The following SGCG variants were observed in gnomAD, a reference collection of about 807,000 sequenced individuals.
SGCG encodes the protein sarcoglycan gamma, also known as gamma-sarcoglycan.
Under a neutral mutation model 29.3 loss-of-function variants are expected in SGCG, and 26 were observed. The ratio of observed to expected loss-of-function variants is 0.89; its 90% CI spans 0.65 to 1.23. The LOEUF (loss-of-function observed/expected upper bound fraction) is 1.23, where lower values mean the gene tolerates loss of function less well. Among genes scored for constraint, SGCG ranks in the 50% most tolerant of loss-of-function variants. The probability of loss-of-function intolerance (pLI) is 0.00; values close to 1 mark genes in which losing one functional copy is unlikely to be tolerated. For missense variants in SGCG, 353 were observed against 356.0 expected (o/e 0.99, Z 0.07); for synonymous variants, 145 against 129.7 (o/e 1.12, Z -0.80).
chr13:23,316,156 A>G (rs954991658), intron 6 of SGCG, among the ~76,000 whole-genome samples: 3 of 152,138 alleles, frequency 2.0e-5, no homozygotes, highest in South Asian at 2.1e-4. Context: ...TTGATATGGC[A>G]CCATCCTTGG....
chr13:23,163,648 A>G, the SGCG span, among the ~76,000 whole-genome samples: 11 of 152,354 alleles, frequency 7.2e-5, no homozygotes, highest in Non-Finnish European at 1.6e-4. Flanking sequence ...GACAAGTAAC[A>G]TGAATCAGAT....
At chr13:23,237,252 C>A (rs1445258206) in intron 3 of SGCG, among the ~76,000 whole-genome samples, 1 of 152,146 alleles carries the variant, frequency 6.6e-6, no homozygotes, top group Non-Finnish European at 1.5e-5. Context: ...CCCATTAGTT[C>A]AAACACATAA....
intron 2 of SGCG, among the ~76,000 whole-genome samples, chr13:23,205,405 C>A (rs534577891): frequency 1.2e-4 from 19 of 152,184 alleles, no homozygotes; most frequent in African/African-American, 4.3e-4. Flanking sequence ...GCTGTAGGAC[C>A]GTCAGTTATG....
chr13:23,222,667 A>T (rs1180773167), intron 2 of SGCG, among the ~76,000 whole-genome samples: 3 of 151,936 alleles, frequency 2.0e-5, no homozygotes. Flanking sequence ...CTCTACTAAA[A>T]ATACAAAAAA....
intron 5 of SGCG, among the ~76,000 whole-genome samples, chr13:23,289,826 G>A (rs1881631316): frequency 6.6e-6 from 1 of 152,282 alleles, no homozygotes. Context: ...TCAATGGGGA[G>A]GCATTGAATT....
At position 23,309,367 on chromosome 13, in the gene SGCG, A is replaced by G. The variant is rs150677422; in HGVS notation, c.579-11270A>G. On this transcript the variant is annotated intron_variant, in intron 6 of 7. Transcript: ENST00000218867. ...AATGATCCTTCTGCCTCAGCCTCCC[A>G]AGTAGCTGGAACTACAGATGCACAC... Among the ~76,000 whole-genome samples, 1,383 of 152,236 alleles carry G rather than the reference A, an allele frequency of 9.1e-3. 12 individuals carry two copies. The highest frequency in any genetic ancestry group is 0.013 in the Non-Finnish European group (897 of 68,016).
At chr13:23,243,589 T>A (rs1396680442) in intron 3 of SGCG, 1 of 152,140 alleles carries the variant, frequency 6.6e-6, no homozygotes, top group African/African-American at 2.4e-5. Context: ...CCAGAACAGC[T>A]TACTTTCTCT....
In SGCG at chr13:23,219,212, T is replaced by C. The variant is rs77338270; in HGVS notation, c.195+15323T>C. Among the ~76,000 whole-genome samples, 224 of 152,024 alleles carry C rather than the reference T, an allele frequency of 1.5e-3. 1 individual carries two copies. Among genetic ancestry groups the C allele is most frequent in the African/African-American group, 4.6e-3 (193 of 41,510 alleles). On this transcript the variant is annotated intron_variant, in intron 2 of 7. Coordinates refer to ENST00000218867, the MANE Select transcript of SGCG (RefSeq NM_000231.3). ...ACAGGTGCCTGCCACCTCGCCTGGC[T>C]AACTTTTTGTATTTTTAGTAGAGAT...
At chr13:23,191,293 A>T (rs1175848945) in intron 1 of SGCG, among the ~76,000 whole-genome samples, 1 of 151,080 alleles carries the variant, frequency 6.6e-6, no homozygotes, top group African/African-American at 2.5e-5. Flanking sequence ...CATCTTCCCG[A>T]GAGCTTTAGT....
At chr13:23,287,816 A>G (rs9507068) in intron 5 of SGCG, among the ~76,000 whole-genome samples, 65,801 of 151,864 alleles carry the variant, frequency 0.43, 15,094 homozygotes, top group Middle Eastern at 0.65. Flanking sequence ...GTGTAGTGGC[A>G]CGATCTCAGC....
chr13:23,308,624 G>T (rs2137504387), intron 6 of SGCG, among the ~76,000 whole-genome samples: 2 of 152,134 alleles, frequency 1.3e-5, no homozygotes, highest in East Asian at 3.9e-4. Context: ...GAGTGCAATG[G>T]CATGATCTCA....
At chr13:23,174,055 A>G in the SGCG span, among the ~76,000 whole-genome samples, 3 of 152,198 alleles carry the variant, frequency 2.0e-5, no homozygotes, top group Non-Finnish European at 4.4e-5. Flanking sequence ...AGCAGAATAG[A>G]TAAATTTTCA....
the SGCG span, among the ~76,000 whole-genome samples, chr13:23,163,488 AG>A: frequency 6.6e-6 from 1 of 152,308 alleles, no homozygotes; most frequent in East Asian, 1.9e-4. Flanking sequence ...TGGTTTGAAG[AG>A]GGGACCCAGT....
At chr13:23,290,406 A>G (rs970397553) in intron 5 of SGCG, among the ~76,000 whole-genome samples, 2 of 152,156 alleles carry the variant, frequency 1.3e-5, no homozygotes, top group Admixed American at 1.3e-4. Context: ...GGGACAGACA[A>G]TGCGGTGGGA....
chr13:23,169,686 TC>T, the SGCG span: 1 of 144,230 alleles, frequency 6.9e-6, no homozygotes, highest in South Asian at 2.3e-4. Flanking sequence ...TCTCTCTCTC[TC>T]TCTCTCTGTC....
chr13:23,299,204 G>T (rs748435526), intron 6 of SGCG, among the ~76,000 whole-genome samples: 1 of 151,664 alleles, frequency 6.6e-6, no homozygotes, highest in Non-Finnish European at 1.5e-5. Flanking sequence ...CATCCAGTTT[G>T]CTGTCTCCAC....
rs1879084349 is a variant in SGCG, at chr13:23,230,935, A to G, written c.196-3676A>G. Among the ~76,000 whole-genome samples, 3 of 152,150 alleles carry G rather than the reference A, an allele frequency of 2.0e-5. No individual in the cohort carries two copies. The South Asian group carries it at 6.2e-4, about 32-fold the overall frequency. ...ATATTGGCTGTGGGTTTGTCATAGAAGTCTCATTATTTTAAAGTATGTTCC... is the reference window on the plus strand; with the variant it reads ...ATATTGGCTGTGGGTTTGTCATAGAGGTCTCATTATTTTAAAGTATGTTCC... On this transcript the variant is annotated intron_variant, in intron 2 of 7. Coordinates refer to ENST00000218867, the MANE Select transcript of SGCG (RefSeq NM_000231.3).
chr13:23,193,563 A>G (rs887906728), intron 1 of SGCG, among the ~76,000 whole-genome samples: 5 of 152,144 alleles, frequency 3.3e-5, no homozygotes, highest in African/African-American at 1.2e-4. Flanking sequence ...TTCTGAGATG[A>G]TCAACTGGGA....
At chr13:23,175,313 G>A in the SGCG span, among the ~76,000 whole-genome samples, 39 of 152,264 alleles carry the variant, frequency 2.6e-4, no homozygotes, top group East Asian at 3.1e-3. Context: ...GGGAAAAGAA[G>A]AGATTTTATT....
Sources: gnomAD v4.1 joint callset for allele counts (sites outside exome capture counted in the v4.1 genomes callset) on GRCh38, gnomAD v4.1.1 for gene constraint, MANE v1.5 for transcripts, NCBI Gene and HGNC (gene_info 2026-07-23, HGNC 2026-07-21) for gene names.